Variants in PTPRD observed in about 807,000 individuals in gnomAD.
The protein encoded by PTPRD is receptor-type tyrosine-protein phosphatase delta.
Under a neutral mutation model 214.5 loss-of-function variants are expected in PTPRD, and 34 were observed. The ratio of observed to expected loss-of-function variants is 0.16; its 90% CI spans 0.12 to 0.21. The LOEUF (loss-of-function observed/expected upper bound fraction) is 0.21, where lower values mean the gene tolerates loss of function less well. PTPRD is among the 10% of genes least tolerant of loss of function. PTPRD has a pLI of 1.00. For missense variants in PTPRD, 2,545 were observed against 2,398.7 expected (o/e 1.06, Z -1.27); for synonymous variants, 1,128 against 845.7 (o/e 1.33, Z -5.79).
Position 8,664,998 on chromosome 9 carries a change from C to T in PTPRD, c.65-28154G>A, listed in dbSNP as rs77020924. On this transcript the variant is annotated intron_variant, in intron 12 of 45. Coordinates refer to ENST00000381196, the MANE Select transcript of PTPRD (RefSeq NM_002839.4). Reference sequence around the variant, plus strand: ...GTGATAGAATGCAAAATACTTCATGCTTTCTTAGCAGAACACTAAAATCTA... The same window carrying T: ...GTGATAGAATGCAAAATACTTCATGTTTTCTTAGCAGAACACTAAAATCTA... Among the ~76,000 whole-genome samples, 156 of 152,264 alleles carry T rather than the reference C, an allele frequency of 1.0e-3. 4 individuals carry two copies. In the East Asian group the frequency reaches 0.029, roughly 28 times the overall value.
chr9:8,319,643 G>C (rs1825348666), intron 45 of PTPRD, among the ~76,000 whole-genome samples, 188 bp downstream of exon 45: 9 of 151,968 alleles, frequency 5.9e-5, no homozygotes, highest in Admixed American at 5.3e-4. Flanking sequence ...AATTTCTATA[G>C]CAACACTAAG....
intron 3 of PTPRD, among the ~76,000 whole-genome samples, chr9:10,242,751 T>C (rs1353334785): frequency 6.6e-6 from 1 of 151,870 alleles, no homozygotes; most frequent in African/African-American, 2.4e-5. Context: ...TTTATTTTTC[T>C]TTCTAGTGGT....
intron 2 of PTPRD, among the ~76,000 whole-genome samples, chr9:10,509,228 G>A (rs540336421): frequency 1.3e-5 from 2 of 152,092 alleles, no homozygotes; most frequent in South Asian, 4.1e-4. Context: ...ATAATGTGGT[G>A]TAATAATGAT....
At chr9:9,525,317 G>A (rs1259077145) in intron 8 of PTPRD, among the ~76,000 whole-genome samples, 1 of 151,972 alleles carries the variant, frequency 6.6e-6, no homozygotes, top group East Asian at 1.9e-4. Flanking sequence ...AAACATACAA[G>A]AATCCCATCC....
chr9:10,199,138 T>C (rs2099409540), intron 3 of PTPRD, among the ~76,000 whole-genome samples: 2 of 151,990 alleles, frequency 1.3e-5, no homozygotes, highest in Admixed American at 6.6e-5. Flanking sequence ...TAGGAGTGGA[T>C]GCAGTACTCA....
intron 36 of PTPRD, among the ~76,000 whole-genome samples, chr9:8,394,715 T>C (rs1554853023): frequency 6.6e-6 from 1 of 152,172 alleles, no homozygotes; most frequent in Non-Finnish European, 1.5e-5. Context: ...TTAAGATAAA[T>C]AGAGGCTTTG....
chr9:8,578,982 A>G (rs1328431961), intron 14 of PTPRD, among the ~76,000 whole-genome samples: 1 of 152,234 alleles, frequency 6.6e-6, no homozygotes, highest in African/African-American at 2.4e-5. Context: ...GGATTTATAA[A>G]TATTTCAGAG....
At chr9:10,077,845 A>G (rs2098160136) in intron 3 of PTPRD, among the ~76,000 whole-genome samples, 1 of 151,148 alleles carries the variant, frequency 6.6e-6, no homozygotes, top group Admixed American at 6.6e-5. Context: ...TTTTTTTTTA[A>G]AAGGTTGCAC....
chr9:10,473,073 A>G (rs1999742), intron 2 of PTPRD, among the ~76,000 whole-genome samples: 6,502 of 152,192 alleles, frequency 0.043, 198 homozygotes, highest in Non-Finnish European at 0.067. Context: ...TTTAATTGTT[A>G]TATCACGCTC....
intron 7 of PTPRD, among the ~76,000 whole-genome samples, chr9:9,618,236 T>G (rs991021845): frequency 6.6e-6 from 1 of 151,914 alleles, no homozygotes; most frequent in Non-Finnish European, 1.5e-5. Flanking sequence ...GATTTTAATA[T>G]GTATTCTCAC....
At chr9:8,539,184 T>G (rs1269689063) in intron 14 of PTPRD, among the ~76,000 whole-genome samples, 1 of 151,984 alleles carries the variant, frequency 6.6e-6, no homozygotes, top group East Asian at 1.9e-4. Flanking sequence ...AATAACTGAG[T>G]AAATTAAAAG....
chr9:10,416,148 G>C (rs1041607236), intron 2 of PTPRD, among the ~76,000 whole-genome samples: 1 of 151,254 alleles, frequency 6.6e-6, no homozygotes, highest in African/African-American at 2.4e-5. Flanking sequence ...AGGAGTTCAA[G>C]ATCAGCCTGG....
chr9:9,479,228 C>A (rs76527542), intron 8 of PTPRD, among the ~76,000 whole-genome samples: 12,172 of 110,276 alleles, frequency 0.11, 886 homozygotes, highest in Non-Finnish European at 0.15. Context: ...CCCCCCCCCC[C>A]CACACACACA....
Position 8,548,375 on chromosome 9 carries a change from G to GTT in PTPRD, c.353-19598_353-19597dup, listed in dbSNP as rs764012518. ...TGTATATGCATGCAGCTGGAATTTTGTTTTTTTTTTGAGAGAGGTGTTCAC... is the reference window on the plus strand; with the variant it reads ...TGTATATGCATGCAGCTGGAATTTTGTTTTTTTTTTTTGAGAGAGGTGTTCAC... On this transcript the variant is annotated intron_variant, in intron 14 of 45. Coordinates refer to ENST00000381196, the MANE Select transcript of PTPRD (RefSeq NM_002839.4). Among the ~76,000 whole-genome samples the GTT allele has an allele frequency of 4.2e-3, 614 of 147,088 alleles. 5 individuals carry two copies. Among genetic ancestry groups the GTT allele is most frequent in the African/African-American group, 7.4e-3 (296 of 40,172 alleles).
At chr9:9,437,719 T>C (rs2085884823) in intron 8 of PTPRD, among the ~76,000 whole-genome samples, 1 of 152,120 alleles carries the variant, frequency 6.6e-6, no homozygotes, top group Admixed American at 6.5e-5. Flanking sequence ...CATGGTGGTA[T>C]ATCTAGAGCA....
intron 43 of PTPRD, 131 bp from the exon 44 acceptor site, chr9:8,331,867 T>A: frequency 9.3e-7 from 1 of 1,080,222 alleles, no homozygotes; most frequent in Non-Finnish European, 1.3e-6. Context: ...GGAACATGTT[T>A]AAATAGAAAC....
intron 9 of PTPRD, among the ~76,000 whole-genome samples, chr9:9,301,428 C>G (rs1595440426): frequency 6.6e-6 from 1 of 151,942 alleles, no homozygotes; most frequent in Non-Finnish European, 1.5e-5. Flanking sequence ...GATGGTGGCA[C>G]AGAACTAGAC....
intron 9 of PTPRD, among the ~76,000 whole-genome samples, chr9:9,198,548 T>A (rs1006380988): frequency 1.4e-4 from 22 of 152,206 alleles, no homozygotes; most frequent in African/African-American, 4.8e-4. Context: ...TCAAGAATTT[T>A]AGTTAATTTC....
intron 11 of PTPRD, among the ~76,000 whole-genome samples, chr9:8,864,101 A>G (rs980244380): frequency 4.6e-5 from 7 of 152,230 alleles, no homozygotes; most frequent in African/African-American, 1.7e-4. Flanking sequence ...ATGGAAATGA[A>G]TCACAGATAG....
Sources: allele counts gnomAD v4.1 joint callset (sites outside exome capture counted in the v4.1 genomes callset), GRCh38; gene constraint gnomAD v4.1.1; transcripts MANE v1.5; gene names NCBI Gene and HGNC (gene_info 2026-07-23, HGNC 2026-07-21).